The following TTC17 variants were observed in gnomAD, a reference collection of about 807,000 sequenced individuals.
The protein encoded by TTC17 is tetratricopeptide repeat protein 17.
A neutral mutation model predicts 143.8 loss-of-function variants in TTC17; 58 were observed. That is an observed-to-expected ratio of 0.40 (90% CI 0.33 to 0.50). TTC17 has a LOEUF of 0.50. Among genes scored for constraint, TTC17 ranks in the 20% least tolerant of loss-of-function variants. The probability of loss-of-function intolerance (pLI) is 0.49; values close to 1 mark genes in which losing one functional copy is unlikely to be tolerated. For missense variants in TTC17, 1,273 were observed against 1,392.5 expected, an observed-to-expected ratio of 0.91 and a Z score of 1.37; for synonymous variants, 501 against 497.8, an observed-to-expected ratio of 1.01 and a Z score of -0.09.
chr11:43,368,766 A>G (rs561569316), intron 1 of TTC17, among the ~76,000 whole-genome samples: 237 of 152,352 alleles, frequency 1.6e-3, no homozygotes, highest in African/African-American at 5.6e-3. Context: ...GTTTCCCATC[A>G]TACTTAGATT....
At chr11:43,480,779 A>G (rs1413276282) in intron 21 of TTC17, among the ~76,000 whole-genome samples, 1 of 152,060 alleles carries the variant, frequency 6.6e-6, no homozygotes, top group East Asian at 1.9e-4. Context: ...AAATTTTTAC[A>G]GTAAAATTTA....
chr11:43,386,061 A>G (rs1267318844), intron 2 of TTC17, among the ~76,000 whole-genome samples: 1 of 152,000 alleles, frequency 6.6e-6, no homozygotes, highest in Non-Finnish European at 1.5e-5. Context: ...AGGTTTTAGA[A>G]AACATGAAAT....
intron 16 of TTC17, among the ~76,000 whole-genome samples, chr11:43,423,738 TA>T (rs1241553041): frequency 6.6e-6 from 1 of 152,196 alleles, no homozygotes; most frequent in Non-Finnish European, 1.5e-5. Flanking sequence ...TTAGATTCAT[TA>T]AAGAAAAACA....
At position 43,400,043 on chromosome 11, in the gene TTC17, A is replaced by C. The variant is rs1343080967; in HGVS notation, c.1214A>C (p.Gln405Pro). The C allele has an allele frequency of 6.2e-7, 1 of 1,612,902 alleles. No homozygotes were observed. The highest frequency in any genetic ancestry group is 1.3e-5 in the African/African-American group (1 of 74,866). Residue 405 changes from glutamine (Q) to proline (P), a missense_variant, in exon 9 of 24, where the codon CAA (glutamine) becomes CCA (proline). Around this residue, in one of 3 missense-constraint regions of TTC17, gnomAD observed 325 missense variants for 444.2 expected, o/e 0.73. Transcript: ENST00000039989. ...IHETQMAKEA[Q>P]LGNHQICRLV... ...GAGACTCAGATGGCAAAAGAGGCAC[A>C]ATTAGGTAAGTAGTGACTCCAAGTA...
chr11:43,472,514 T>C (rs1206940233), intron 21 of TTC17, among the ~76,000 whole-genome samples: 5 of 152,222 alleles, frequency 3.3e-5, no homozygotes, highest in Admixed American at 6.5e-5. Context: ...AATTTATATG[T>C]AACTAATAGC....
chr11:43,383,388 G>A lies in TTC17; in HGVS notation c.249+4066G>A, dbSNP rs562999112. Among the ~76,000 whole-genome samples, 11 of 152,162 alleles carry A rather than the reference G, an allele frequency of 7.2e-5. No individual in the cohort carries two copies. The South Asian group carries it at 2.1e-3, about 29-fold the overall frequency. ...TTTTTTGAGATGAAGTCTTGCTCTTGTCCCCCAGGCTGGGGTGCGATGGCG... is the reference window on the plus strand; with the variant it reads ...TTTTTTGAGATGAAGTCTTGCTCTTATCCCCCAGGCTGGGGTGCGATGGCG... On this transcript the variant is annotated intron_variant, in intron 2 of 23. Coordinates refer to ENST00000039989, the MANE Select transcript of TTC17 (RefSeq NM_018259.6).
chr11:43,363,012 C>T (rs1856180663), intron 1 of TTC17, among the ~76,000 whole-genome samples: 1 of 152,152 alleles, frequency 6.6e-6, no homozygotes, highest in African/African-American at 2.4e-5. Context: ...ACCTCTGATG[C>T]CCTAGTGTCT....
intron 1 of TTC17, among the ~76,000 whole-genome samples, chr11:43,370,741 C>A (rs1271110185): frequency 6.6e-6 from 1 of 151,912 alleles, no homozygotes; most frequent in Non-Finnish European, 1.5e-5. Flanking sequence ...CAACTAGAAA[C>A]CATATTCTTA....
chr11:43,391,171 G>A (rs767812041), intron 3 of TTC17, among the ~76,000 whole-genome samples: 3 of 152,284 alleles, frequency 2.0e-5, no homozygotes, highest in African/African-American at 7.2e-5. Context: ...GGCCAAGATG[G>A]GAGGATCACT....
rs80101331 is a variant in TTC17 at position 43,379,202 on chromosome 11, C to T, written c.160-31C>T. 33 of 1,590,180 alleles carry T rather than the reference C, an allele frequency of 2.1e-5. No homozygotes were observed. In the Admixed American group the frequency reaches 2.2e-4, roughly 11 times the overall value. ...AATCCAAACCAGCATTAATGAAATC[C>T]GAGCTTTATTTATTTATTGCTTGCT... On this transcript the variant is annotated intron_variant, in intron 1 of 23. Transcript: ENST00000039989.
At chr11:43,456,015 C>G (rs1344035528) in intron 21 of TTC17, among the ~76,000 whole-genome samples, 1 of 152,026 alleles carries the variant, frequency 6.6e-6, no homozygotes. Flanking sequence ...AAAGGCTATT[C>G]TAGGAATACT....
At chr11:43,482,075 G>A (rs1033924873) in intron 21 of TTC17, among the ~76,000 whole-genome samples, 1 of 152,016 alleles carries the variant, frequency 6.6e-6, no homozygotes, top group African/African-American at 2.4e-5. Context: ...CTCCCAAAGT[G>A]CTGGGATTAC....
At chr11:43,387,766 A>G (rs963159556) in intron 2 of TTC17, among the ~76,000 whole-genome samples, 3 of 152,232 alleles carry the variant, frequency 2.0e-5, no homozygotes, top group African/African-American at 4.8e-5. Flanking sequence ...GGCCAAAGCA[A>G]GTCATGTTGC....
At chr11:43,363,205 G>A (rs900033049) in intron 1 of TTC17, among the ~76,000 whole-genome samples, 3 of 152,154 alleles carry the variant, frequency 2.0e-5, no homozygotes, top group Admixed American at 6.5e-5. Context: ...GATAAATTTT[G>A]TGTTGTTTCA....
intron 4 of TTC17, 31 bp downstream of exon 4, chr11:43,391,607 T>C (rs751779715): frequency 1.1e-6 from 1 of 952,292 alleles, no homozygotes. Context: ...TTTTTTTTTT[T>C]TTGCGTTGCG....
At position 43,494,091 on chromosome 11, in the gene TTC17, A is replaced by G. The variant is rs1590523277; in HGVS notation, c.*187A>G. 6.9e-6 allele frequency: 5 copies of G among 720,944 alleles called. No individual in the cohort carries two copies. Among genetic ancestry groups the G allele is most frequent in the East Asian group, 6.1e-5 (2 of 32,696 alleles). The allele number at this position is 720,944 out of a possible 1,614,324, so 44.7% of individuals were successfully genotyped here. ...TTACGTTTCTCCTTTCCCCCAACCA[A>G]CCTCAGAAGAGGCACCTTCAGAAAC... is the stretch of plus-strand genomic sequence containing the variant. On this transcript the variant is annotated 3_prime_UTR_variant, in exon 24 of 24. Transcript: ENST00000039989.
intron 1 of TTC17, among the ~76,000 whole-genome samples, chr11:43,363,712 C>G (rs1233241561): frequency 1.3e-5 from 2 of 152,178 alleles, no homozygotes; most frequent in East Asian, 3.8e-4. Context: ...CACTCAAAGT[C>G]GTGTAACTAA....
At chr11:43,380,161 A>G (rs971892185) in intron 2 of TTC17, among the ~76,000 whole-genome samples, 2 of 152,226 alleles carry the variant, frequency 1.3e-5, no homozygotes, top group African/African-American at 4.8e-5. Context: ...CCTAAAGACA[A>G]TGAATTGCCT....
chr11:43,413,661 C>G (rs1050556550), intron 15 of TTC17, among the ~76,000 whole-genome samples: 4 of 151,128 alleles, frequency 2.6e-5, no homozygotes, highest in Non-Finnish European at 4.4e-5. Flanking sequence ...GAGAAAAGAA[C>G]AGGCACTTCA....
Sources: gnomAD v4.1 joint callset for allele counts (sites outside exome capture counted in the v4.1 genomes callset) on GRCh38, gnomAD v4.1.1 for gene constraint, gnomAD v4.1.1 regional missense constraint, MANE v1.5 for transcripts, NCBI Gene and HGNC (gene_info 2026-07-23, HGNC 2026-07-21) for gene names.